The following RAD51D variants were observed in gnomAD, a reference collection of about 807,000 sequenced individuals.
RAD51D encodes the protein DNA repair protein RAD51 homolog 4.
Under a neutral mutation model 44.1 loss-of-function variants are expected in RAD51D, and 38 were observed. The ratio of observed to expected loss-of-function variants is 0.86; its 90% CI spans 0.67 to 1.13. RAD51D has a LOEUF of 1.13. Ranked by LOEUF, RAD51D falls within the 50% of genes most tolerant of loss-of-function variation. The pLI, the probability that RAD51D is intolerant of heterozygous loss-of-function variation, is 0.00. For synonymous variants in RAD51D, 141 were observed against 166.6 expected, an observed-to-expected ratio of 0.85 and a Z score of 1.18; for missense variants, 390 against 414.0, an observed-to-expected ratio of 0.94 and a Z score of 0.50.
chr17:35,101,413 A>G (rs770206852), intron 8 of RAD51D, 48 bp from the exon 9 acceptor site: 2 of 1,575,784 alleles, frequency 1.3e-6, no homozygotes, highest in East Asian at 2.2e-5. Context: ...TATAGAGGAC[A>G]TCGATTACTA....
Position 35,116,785 on chromosome 17 carries a change from C to T in RAD51D, c.263+1716G>A, listed in dbSNP as rs1233377934. The T allele has an allele frequency of 1.9e-5, 23 of 1,218,494 alleles. No homozygotes were observed. In the East Asian group the frequency reaches 2.5e-4, roughly 13 times the overall value. The allele number at this position is 1,218,494 out of a possible 1,614,324, so 75.5% of individuals were successfully genotyped here. A position where few individuals can be genotyped will look rare whatever the true frequency, so the allele number is the denominator to read the frequency against. On this transcript the variant is annotated intron_variant, in intron 3 of 9. Coordinates refer to ENST00000345365, the MANE Select transcript of RAD51D (RefSeq NM_002878.4). ...CTGTGATCACAGGCGTGAGCCACTG[C>T]GCCCGGCCTAGAATGATGATTTAAA... is the stretch of plus-strand genomic sequence containing the variant.
intron 3 of RAD51D, among the ~76,000 whole-genome samples, chr17:35,109,147 A>G (rs1298876525): frequency 6.6e-6 from 1 of 152,120 alleles, no homozygotes; most frequent in Non-Finnish European, 1.5e-5. Flanking sequence ...GATTACAGAC[A>G]TGAGCCACCG....
intron 3 of RAD51D, among the ~76,000 whole-genome samples, chr17:35,111,058 G>A (rs914862168): frequency 2.7e-5 from 4 of 150,692 alleles, no homozygotes; most frequent in Admixed American, 1.3e-4. Context: ...CCGAGATCAC[G>A]CCATTGCACT....
intron 3 of RAD51D, chr17:35,115,417 A>G (rs1389423248): frequency 4.7e-6 from 2 of 425,570 alleles, no homozygotes; most frequent in Non-Finnish European, 9.6e-6. Context: ...ACACCCTGTA[A>G]GGAATCATTG....
chr17:35,110,443 T>C (rs1231641067), intron 3 of RAD51D, among the ~76,000 whole-genome samples: 1 of 152,226 alleles, frequency 6.6e-6, no homozygotes, highest in Admixed American at 6.5e-5. Context: ...TTAGGCCCCA[T>C]TAATCAAAAA....
chr17:35,109,069 T>C (rs1171022727), intron 3 of RAD51D, among the ~76,000 whole-genome samples: 1 of 151,908 alleles, frequency 6.6e-6, no homozygotes, highest in Non-Finnish European at 1.5e-5. Context: ...GTTTTGCCAT[T>C]TTGGGCAGAC....
intron 3 of RAD51D, among the ~76,000 whole-genome samples, chr17:35,113,293 G>A (rs899966941): frequency 1.3e-5 from 2 of 151,950 alleles, no homozygotes; most frequent in East Asian, 1.9e-4. Context: ...TTTTTGAGAC[G>A]GAGTCTCGCT....
Position 35,103,361 on chromosome 17 carries a change from G to A in RAD51D, c.668-37C>T, listed in dbSNP as rs1424978876. On this transcript the variant is annotated intron_variant, in intron 7 of 9. Coordinates refer to ENST00000345365, the MANE Select transcript of RAD51D (RefSeq NM_002878.4). The surrounding 1 kb of genome is among the most constrained non-coding windows in gnomAD (Gnocchi z 4.1). ...GGAGAAGCAGAGAGGGAGGGCAGTG[G>A]GGAACCAGGGATGGGGCTGGCCAGA... The A allele has an allele frequency of 6.2e-7, 1 of 1,611,604 alleles. No individual in the cohort carries two copies. The highest frequency in any genetic ancestry group is 1.1e-5 in the South Asian group (1 of 90,912).
intron 1 of RAD51D, 113 bp downstream of exon 1, chr17:35,119,419 A>C: frequency 7.8e-7 from 1 of 1,275,906 alleles, no homozygotes; most frequent in Admixed American, 1.7e-5. Flanking sequence ...GCGGCCCTCT[A>C]GGAATGGAGG....
chr17:35,102,569 CA>C (rs548352352), intron 8 of RAD51D, among the ~76,000 whole-genome samples: 320 of 150,794 alleles, frequency 2.1e-3, no homozygotes, highest in Non-Finnish European at 3.5e-3. Context: ...GGTCGAGCTG[CA>C]GTGAGCTGTG....
At chr17:35,114,653 C>G (rs1484442842) in intron 3 of RAD51D, among the ~76,000 whole-genome samples, 2 of 152,122 alleles carry the variant, frequency 1.3e-5, no homozygotes, top group African/African-American at 4.8e-5. Flanking sequence ...TTGTGCACCA[C>G]TGCACTCCTG....
chr17:35,118,574 A>AAGCC lies in RAD51D; in HGVS notation c.186_189dup (p.Phe64GlyfsTer8). On this transcript the variant is annotated frameshift_variant, in exon 3 of 10. Coordinates refer to ENST00000345365, the MANE Select transcript of RAD51D (RefSeq NM_002878.4). LOFTEE classifies it high-confidence loss of function. ...TAGAGATCAGCGCCATTCACGGGGAAAGCCGAGAACTGAGCCAGCAGCACC... is the reference window on the plus strand; with the variant it reads ...TAGAGATCAGCGCCATTCACGGGGAAAGCCAGCCGAGAACTGAGCCAGCAGCACC... 6.2e-7 allele frequency: 1 copy of AAGCC among 1,614,218 alleles called. No individual in the cohort carries two copies. The highest frequency in any genetic ancestry group is 8.5e-7 in the Non-Finnish European group (1 of 1,180,036).
At position 35,103,351 on chromosome 17, in the gene RAD51D, G is replaced by C. The variant is rs2142419141; in HGVS notation, c.668-27C>G. Reference sequence around the variant, plus strand: ...TGCAGGAGGAGGAGAAGCAGAGAGGGAGGGCAGTGGGGAACCAGGGATGGG... The same window carrying C: ...TGCAGGAGGAGGAGAAGCAGAGAGGCAGGGCAGTGGGGAACCAGGGATGGG... On this transcript the variant is annotated intron_variant, in intron 7 of 9. Transcript: ENST00000345365. The surrounding 1 kb of genome is among the most constrained non-coding windows in gnomAD (Gnocchi z 4.1). 2 of 1,612,610 alleles carry C rather than the reference G, an allele frequency of 1.2e-6. No individual in the cohort carries two copies. Among genetic ancestry groups the C allele is most frequent in the East Asian group, 4.5e-5 (2 of 44,850 alleles).
At position 35,107,413 on chromosome 17, in the gene RAD51D, C is replaced by T. The variant is rs1306179653; in HGVS notation, c.298G>A (p.Gly100Arg). The T allele has an allele frequency of 6.4e-7, 1 of 1,564,602 alleles. No individual in the cohort carries two copies. Among genetic ancestry groups the T allele is most frequent in the East Asian group, 2.2e-5 (1 of 44,646 alleles). Residue 100 changes from glycine to arginine, a missense_variant, in exon 4 of 10, where the codon GGA becomes AGA. Gly to Arg is a moderately radical substitution (Grantham distance 125, BLOSUM62 -2). Coordinates refer to ENST00000345365, the MANE Select transcript of RAD51D (RefSeq NM_002878.4). ...DKLLDAGLYT[G>R]EVTEIVGGPG... is the part of the protein sequence containing the mutation. ...CCTCCTACAATTTCAGTCACTTCTC[C>T]AGTATAGAGACCAGCATCAAGCAGT...
rs1160924244 is a variant in RAD51D at position 35,103,205 on chromosome 17, G to T, written c.738+49C>A. The T allele has an allele frequency of 6.5e-7, 1 of 1,535,466 alleles. No individual in the cohort carries two copies. The highest frequency in any genetic ancestry group is 8.9e-7 in the Non-Finnish European group (1 of 1,127,692). On this transcript the variant is annotated intron_variant, in intron 8 of 9. Coordinates refer to ENST00000345365, the MANE Select transcript of RAD51D (RefSeq NM_002878.4). This position sits in a 1 kb window ranked among gnomAD's most constrained non-coding sequence, Gnocchi z 4.1. ...AGCTGACATTTAAGGGAAATAAAGA[G>T]CTCGCAATAACTAGAAATCAAGTTC...
rs1378198862 is a variant in RAD51D, at chr17:35,116,737, G to A, written c.263+1764C>T. The stretch of plus-strand genomic sequence containing the variant: ...TCTCGATTTCCTGACCTCATGATCC[G>A]CCCACCTCAGCCTCCCAAAGTGCTG... On this transcript the variant is annotated intron_variant, in intron 3 of 9. Coordinates refer to ENST00000345365, the MANE Select transcript of RAD51D (RefSeq NM_002878.4). 28 of 725,948 alleles carry A rather than the reference G, an allele frequency of 3.9e-5. No homozygotes were observed. In the East Asian group the frequency reaches 4.6e-4, roughly 12 times the overall value. 45.0% of individuals were successfully genotyped at this position (725,948 alleles called of 1,614,324 possible).
At position 35,107,016 on chromosome 17, in the gene RAD51D, T is replaced by C. The variant is rs2142432506; in HGVS notation, c.452A>G (p.Gln151Arg). 6.2e-7 allele frequency: 1 copy of C among 1,614,192 alleles called. No individual in the cohort carries two copies. The highest frequency in any genetic ancestry group is 8.5e-7 in the Non-Finnish European group (1 of 1,180,030). Reference protein sequence around the residue: ...LTASRLLQLLQAKTQDEEEQA... With the variant: ...LTASRLLQLLRAKTQDEEEQA... Reference sequence around the variant, plus strand: ...TTCCTCCTCATCCTGGGTTTTAGCCTGAAGCAGCTGGAGGAGGCGGGAAGC... The same window carrying C: ...TTCCTCCTCATCCTGGGTTTTAGCCCGAAGCAGCTGGAGGAGGCGGGAAGC... The change falls in exon 5 of 10, where the codon CAG becomes CGG. Residue 151 changes from glutamine to arginine, a missense_variant. Coordinates refer to ENST00000345365, the MANE Select transcript of RAD51D (RefSeq NM_002878.4).
rs1285339297 is a variant in RAD51D, at chr17:35,101,275, G to C, written c.829C>G (p.Leu277Val). 3.7e-6 allele frequency: 6 copies of C among 1,614,064 alleles called. No individual in the cohort carries two copies. Among genetic ancestry groups the C allele is most frequent in the Non-Finnish European group, 5.1e-6 (6 of 1,180,042 alleles). ...SWSFVPSTRI[L>V]LDTIEGAGAS... ...CCTGCTCCCTCGATGGTGTCCAGGAGAATCCGAGTGCTGGGCACAAAGCTC... is the reference window on the plus strand; with the variant it reads ...CCTGCTCCCTCGATGGTGTCCAGGACAATCCGAGTGCTGGGCACAAAGCTC... The change falls in exon 9 of 10, where the codon CTC becomes GTC. Residue 277 changes from leucine (L) to valine (V), a missense_variant. Coordinates refer to ENST00000345365, the MANE Select transcript of RAD51D (RefSeq NM_002878.4).
At chr17:35,110,447 T>C (rs1190789807) in intron 3 of RAD51D, among the ~76,000 whole-genome samples, 1 of 152,208 alleles carries the variant, frequency 6.6e-6, no homozygotes, top group East Asian at 1.9e-4. Flanking sequence ...GCCCCATTAA[T>C]CAAAAATTTT....
Sources: allele counts gnomAD v4.1 joint callset (sites outside exome capture counted in the v4.1 genomes callset), GRCh38; gene constraint gnomAD v4.1.1; non-coding constraint Gnocchi (gnomAD v3.1); transcripts MANE v1.5; gene names NCBI Gene and HGNC (gene_info 2026-07-23, HGNC 2026-07-21).